The following SEZ6L variants were observed in gnomAD, a reference collection of about 807,000 sequenced individuals.
The protein encoded by SEZ6L is seizure 6-like protein.
Under a neutral mutation model 106.2 loss-of-function variants are expected in SEZ6L, and 37 were observed. The observed-to-expected ratio is 0.35, with a 90% CI of 0.27 to 0.46. SEZ6L has a LOEUF of 0.46. Among genes scored for constraint, SEZ6L ranks in the 20% least tolerant of loss-of-function variants. The probability of loss-of-function intolerance (pLI) is 1.00; values close to 1 mark genes in which losing one functional copy is unlikely to be tolerated. For synonymous variants in SEZ6L, 541 were observed against 570.4 expected (o/e 0.95, Z 0.73); for missense variants, 1,172 against 1,332.8 (o/e 0.88, Z 1.88).
chr22:26,235,593 G>T (rs1258504002), intron 1 of SEZ6L, among the ~76,000 whole-genome samples: 1 of 152,082 alleles, frequency 6.6e-6, no homozygotes, highest in Non-Finnish European at 1.5e-5. Flanking sequence ...AAGGGTCCCT[G>T]GATGAGGTGA....
At chr22:26,231,310 C>T (rs1229374026) in intron 1 of SEZ6L, among the ~76,000 whole-genome samples, 1 of 152,168 alleles carries the variant, frequency 6.6e-6, no homozygotes, top group Non-Finnish European at 1.5e-5. Context: ...CTGGGTGTTG[C>T]CATGGCAATG....
At chr22:26,288,363 T>G (rs1381048752) in intron 1 of SEZ6L, among the ~76,000 whole-genome samples, 2 of 152,096 alleles carry the variant, frequency 1.3e-5, no homozygotes, top group Non-Finnish European at 2.9e-5. Flanking sequence ...CCCTGGAGAT[T>G]CAGATGTGAT....
chr22:26,354,692 A>T (rs2083383870), intron 12 of SEZ6L, among the ~76,000 whole-genome samples: 1 of 152,194 alleles, frequency 6.6e-6, no homozygotes, highest in Non-Finnish European at 1.5e-5. Flanking sequence ...AAGAAAAAGC[A>T]CTTCACCAAT....
chr22:26,380,146 G>A (rs546162046), intron 16 of SEZ6L, 120 bp from the exon 17 acceptor site: 2 of 824,896 alleles, frequency 2.4e-6, no homozygotes, highest in East Asian at 4.9e-5. Flanking sequence ...CAGAGTGGGA[G>A]GGCACTGAAA....
intron 12 of SEZ6L, among the ~76,000 whole-genome samples, chr22:26,359,825 A>G (rs1438746901): frequency 6.6e-6 from 1 of 152,160 alleles, no homozygotes; most frequent in African/African-American, 2.4e-5. Flanking sequence ...AAAATAAAGT[A>G]GGAATAAAGA....
chr22:26,352,497 G>A (rs1222223084), intron 12 of SEZ6L, among the ~76,000 whole-genome samples: 1 of 152,194 alleles, frequency 6.6e-6, no homozygotes, highest in Non-Finnish European at 1.5e-5. Context: ...TCTGATGTGA[G>A]TAACACTGTG....
intron 1 of SEZ6L, among the ~76,000 whole-genome samples, chr22:26,180,957 T>G (rs1331623086): frequency 6.6e-6 from 1 of 152,208 alleles, no homozygotes; most frequent in African/African-American, 2.4e-5. Flanking sequence ...GGATTAGGAC[T>G]GAGGTAGGAC....
chr22:26,239,301 C>A (rs1340045533), intron 1 of SEZ6L, among the ~76,000 whole-genome samples: 1 of 152,124 alleles, frequency 6.6e-6, no homozygotes, highest in African/African-American at 2.4e-5. Context: ...GTCCCCTATC[C>A]CCAGCACACA....
At chr22:26,327,220 CCACA>C (rs1162000759) in intron 9 of SEZ6L, among the ~76,000 whole-genome samples, 1 of 41,570 alleles carries the variant, frequency 2.4e-5, no homozygotes, top group African/African-American at 1.2e-4. Context: ...ATACCACACA[CCACA>C]CACACACCAC....
intron 13 of SEZ6L, among the ~76,000 whole-genome samples, chr22:26,366,569 G>A (rs1043189151): frequency 2.0e-5 from 3 of 151,808 alleles, no homozygotes; most frequent in African/African-American, 4.8e-5. Context: ...TTAACCTGAT[G>A]TGGTGACGTG....
At chr22:26,310,419 T>A (rs935737792) in intron 6 of SEZ6L, among the ~76,000 whole-genome samples, 1 of 152,074 alleles carries the variant, frequency 6.6e-6, no homozygotes, top group African/African-American at 2.4e-5. Context: ...ACCTGTAATC[T>A]CAGCTACTCG....
intron 16 of SEZ6L, among the ~76,000 whole-genome samples, chr22:26,378,642 A>G (rs928714940): frequency 1.3e-5 from 2 of 152,238 alleles, no homozygotes; most frequent in Admixed American, 6.5e-5. Context: ...AAGCTGAGAC[A>G]TGGGAAGTGG....
At chr22:26,183,462 G>A (rs1015363995) in intron 1 of SEZ6L, among the ~76,000 whole-genome samples, 2 of 152,142 alleles carry the variant, frequency 1.3e-5, no homozygotes, top group African/African-American at 4.8e-5. Flanking sequence ...ATGAATTTCT[G>A]GGACCACTCC....
At chr22:26,327,800 G>T (rs772185461) in intron 9 of SEZ6L, among the ~76,000 whole-genome samples, 1 of 152,150 alleles carries the variant, frequency 6.6e-6, no homozygotes, top group South Asian at 2.1e-4. Flanking sequence ...GTGAGCTCTC[G>T]CACCCTGACT....
intron 12 of SEZ6L, among the ~76,000 whole-genome samples, chr22:26,360,168 A>G (rs150005386): frequency 0.011 from 1,746 of 152,326 alleles, 14 homozygotes; most frequent in Non-Finnish European, 0.018. Context: ...ACTCTGGGTG[A>G]CTAATTAAAT....
chr22:26,173,294 A>T (rs570420773), intron 1 of SEZ6L, among the ~76,000 whole-genome samples: 1 of 152,254 alleles, frequency 6.6e-6, no homozygotes, highest in African/African-American at 2.4e-5. Context: ...TGCGATTGGC[A>T]TGAAGCAGAT....
intron 6 of SEZ6L, among the ~76,000 whole-genome samples, chr22:26,307,818 A>C (rs2081682189): frequency 6.6e-6 from 1 of 152,170 alleles, no homozygotes; most frequent in South Asian, 2.1e-4. Flanking sequence ...ACTAGACAAC[A>C]AGAATTAGCA....
intron 12 of SEZ6L, among the ~76,000 whole-genome samples, chr22:26,361,295 C>T (rs921750788): frequency 2.7e-5 from 4 of 148,478 alleles, no homozygotes; most frequent in African/African-American, 9.9e-5. Flanking sequence ...GTCAGGAGTT[C>T]GAGACCAGCC....
chr22:26,296,931 G>C lies in SEZ6L; in HGVS notation c.1013G>C (p.Arg338Pro). 1 of 1,612,752 alleles carries C rather than the reference G, an allele frequency of 6.2e-7. No homozygotes were observed. Among genetic ancestry groups the C allele is most frequent in the Non-Finnish European group, 8.5e-7 (1 of 1,179,284 alleles). Reference sequence around the variant, plus strand: ...TCCGATGGGGAACTGCTCTCCATCCGCGGGGTGGACGGCCCTACCCTGACC... The same window carrying C: ...TCCGATGGGGAACTGCTCTCCATCCCCGGGGTGGACGGCCCTACCCTGACC... ...NLSDGELLSI[R>P]GVDGPTLTVL... Residue 338 changes from arginine (R) to proline (P), a missense_variant, in exon 4 of 17, where the codon CGC becomes CCC. Physicochemically the swap from Arg to Pro is moderately radical, Grantham distance 103. Coordinates refer to ENST00000248933, the MANE Select transcript of SEZ6L (RefSeq NM_021115.5).
Sources: allele counts gnomAD v4.1 joint callset (sites outside exome capture counted in the v4.1 genomes callset), GRCh38; gene constraint gnomAD v4.1.1; transcripts MANE v1.5; gene names NCBI Gene and HGNC (gene_info 2026-07-23, HGNC 2026-07-21).